Variants in CPAP observed in about 807,000 individuals in gnomAD.
CPAP encodes centrosome assembly and centriole elongation protein.
At chr13:24,933,713 A>G in the CPAP span, among the ~76,000 whole-genome samples, 3 of 151,880 alleles carry the variant, frequency 2.0e-5, no homozygotes, top group Non-Finnish European at 4.4e-5. Context: ...GGAAACAGTT[A>G]AGTCTAACCT....
the CPAP span, among the ~76,000 whole-genome samples, chr13:24,916,142 A>G: frequency 6.6e-6 from 1 of 152,194 alleles, no homozygotes; most frequent in East Asian, 1.9e-4. Context: ...TATTTTTTAC[A>G]ATAGGAGAAA....
At chr13:24,919,223 C>A in the CPAP span, among the ~76,000 whole-genome samples, 2 of 152,038 alleles carry the variant, frequency 1.3e-5, no homozygotes, top group African/African-American at 2.4e-5. Context: ...AACAATTGTC[C>A]ATAGACCCTT....
At chr13:24,914,811 C>T in the CPAP span, among the ~76,000 whole-genome samples, 3 of 151,958 alleles carry the variant, frequency 2.0e-5, no homozygotes, top group African/African-American at 4.8e-5. Flanking sequence ...TGGTAACTCA[C>T]GCCATAATCC....
At chr13:24,924,305 G>GGGAAGAATTCCTAAAATGTGAC in the CPAP span, among the ~76,000 whole-genome samples, 68,976 of 151,722 alleles carry the variant, frequency 0.45, 15,993 homozygotes, top group South Asian at 0.59. Context: ...CCTAAAATGT[G>GGGAAGAATTCCTAAAATGTGAC]TATCTTTAAG....
At chr13:24,911,731 A>G in the CPAP span, among the ~76,000 whole-genome samples, 3 of 150,910 alleles carry the variant, frequency 2.0e-5, no homozygotes, top group Admixed American at 2.0e-4. Context: ...ATGAATAAAC[A>G]TCAATGCCTT....
At chr13:24,931,519 A>T in the CPAP span, among the ~76,000 whole-genome samples, 1 of 152,002 alleles carries the variant, frequency 6.6e-6, no homozygotes, top group Admixed American at 6.6e-5. Flanking sequence ...GTCAGGATTC[A>T]AAGCCATACC....
the CPAP span, chr13:24,906,322 ATTTTCC>A: frequency 1.2e-6 from 2 of 1,606,140 alleles, no homozygotes; most frequent in Non-Finnish European, 1.7e-6. Flanking sequence ...CTAATTCCAA[ATTTTCC>A]TTTTCCTTTT....
At chr13:24,895,744 C>T in the CPAP span, among the ~76,000 whole-genome samples, 1 of 152,100 alleles carries the variant, frequency 6.6e-6, no homozygotes, top group African/African-American at 2.4e-5. Context: ...CAAGTTGGGA[C>T]CACTTAAATA....
At chr13:24,906,058 T>A in the CPAP span, 3 of 1,613,782 alleles carry the variant, frequency 1.9e-6, no homozygotes, top group East Asian at 6.7e-5. Context: ...CTGAGGACAA[T>A]GAATGAAGTT....
At chr13:24,896,252 C>T in the CPAP span, among the ~76,000 whole-genome samples, 1 of 152,146 alleles carries the variant, frequency 6.6e-6, no homozygotes, top group Non-Finnish European at 1.5e-5. Flanking sequence ...GTCATATAAA[C>T]GAACAAAGGC....
the CPAP span, among the ~76,000 whole-genome samples, chr13:24,919,700 G>A: frequency 2.6e-5 from 4 of 152,096 alleles, no homozygotes; most frequent in South Asian, 2.1e-4. Flanking sequence ...GATTACAGGC[G>A]TGAGCCCCTG....
At chr13:24,885,325 T>G in the CPAP span, 1 of 1,614,020 alleles carries the variant, frequency 6.2e-7, no homozygotes, top group East Asian at 2.2e-5. Context: ...GTCTTCCTCC[T>G]CCTCTTTATA....
chr13:24,917,142 C>T, the CPAP span, among the ~76,000 whole-genome samples: 1 of 151,904 alleles, frequency 6.6e-6, no homozygotes, highest in African/African-American at 2.4e-5. Context: ...CCCAGCTACT[C>T]GGGGAGGCTG....
the CPAP span, among the ~76,000 whole-genome samples, chr13:24,902,081 G>A: frequency 6.6e-6 from 1 of 152,166 alleles, no homozygotes; most frequent in African/African-American, 2.4e-5. Context: ...GGCTGGCACT[G>A]AGGCTCTCTG....
At chr13:24,912,727 G>A in the CPAP span, 2 of 1,614,040 alleles carry the variant, frequency 1.2e-6, no homozygotes, top group Non-Finnish European at 1.7e-6. Context: ...TTTAATGCAA[G>A]GAAAGGCTGT....
chr13:24,883,386 A>AAAT, the CPAP span: 8 of 1,562,206 alleles, frequency 5.1e-6, no homozygotes, highest in Admixed American at 3.6e-5. Context: ...AATTTAAAAA[A>AAAT]AATATGATTT....
the CPAP span, among the ~76,000 whole-genome samples, chr13:24,924,323 G>A: frequency 0.65 from 98,412 of 151,874 alleles, 32,558 homozygotes; most frequent in African/African-American, 0.79. Context: ...AAGGATAGTC[G>A]CAATATCCTC....
chr13:24,903,865 GGTCTTA>G, the CPAP span: 2 of 1,492,736 alleles, frequency 1.3e-6, no homozygotes, highest in Non-Finnish European at 1.9e-6. Context: ...GTTTATAGAT[GGTCTTA>G]AAGGTATAAC....
At chr13:24,898,094 C>A in the CPAP span, among the ~76,000 whole-genome samples, 1 of 152,136 alleles carries the variant, frequency 6.6e-6, no homozygotes, top group Non-Finnish European at 1.5e-5. Context: ...TGGAGATTTG[C>A]CATGTTGGCC....
Sources: gnomAD v4.1 joint callset for allele counts (sites outside exome capture counted in the v4.1 genomes callset) on GRCh38, gnomAD v4.1.1 for gene constraint, MANE v1.5 for transcripts, NCBI Gene and HGNC (gene_info 2026-07-23, HGNC 2026-07-21) for gene names.